The following ABCC4 variants were observed in gnomAD, a reference collection of about 807,000 sequenced individuals.
ABCC4 encodes ATP-binding cassette sub-family C member 4.
ABCC4 carries 102 observed loss-of-function variants against 168.5 expected under a neutral mutation model. The observed-to-expected ratio is 0.61, with a 90% confidence interval of 0.52 to 0.71. The LOEUF is 0.71. ABCC4 is among the 30% of genes least tolerant of loss of function. The pLI is 0.00. For missense variants in ABCC4, 1,402 were observed against 1,605.8 expected, an observed-to-expected ratio of 0.87 and a Z score of 2.17; for synonymous variants, 617 against 590.7, an observed-to-expected ratio of 1.04 and a Z score of -0.65.
At chr13:95,156,803 C>A (rs7988271) in intron 19 of ABCC4, among the ~76,000 whole-genome samples, 4 of 151,940 alleles carry the variant, frequency 2.6e-5, no homozygotes, top group Non-Finnish European at 5.9e-5. Flanking sequence ...AAAGGAAAAC[C>A]GGCTCTTGGC....
At position 95,269,309 on chromosome 13, in the gene ABCC4, C is replaced by A. The variant is rs1194505590; in HGVS notation, c.75-21556G>T. 3 of 455,816 alleles carry A rather than the reference C, an allele frequency of 6.6e-6. No individual in the cohort carries two copies. The Admixed American group carries it at 7.1e-5, about 11-fold the overall frequency. The allele number at this position is 455,816 out of a possible 1,614,324, so 28.2% of individuals were successfully genotyped here. ...ACCTGTCAGCAGCACAAGCAGCTCACCTGCTAGTCTGGTGGCTGAGGCAGG... is the reference window on the plus strand; with the variant it reads ...ACCTGTCAGCAGCACAAGCAGCTCAACTGCTAGTCTGGTGGCTGAGGCAGG... On this transcript the variant is annotated intron_variant, in intron 1 of 30. Coordinates refer to ENST00000645237, the MANE Select transcript of ABCC4 (RefSeq NM_005845.5).
At chr13:95,236,583 T>A (rs1053725944) in intron 3 of ABCC4, among the ~76,000 whole-genome samples, 1 of 104,296 alleles carries the variant, frequency 9.6e-6, no homozygotes, top group Non-Finnish European at 2.0e-5. Context: ...TGTCTCGGCA[T>A]GTGAACGCGC....
chr13:95,077,777 C>A (rs1678355), intron 21 of ABCC4, among the ~76,000 whole-genome samples: 2,582 of 152,196 alleles, frequency 0.017, 86 homozygotes, highest in African/African-American at 0.06. Context: ...TACAGCATCC[C>A]CATGCCGATC....
At chr13:95,131,146 C>T (rs990713009) in intron 19 of ABCC4, among the ~76,000 whole-genome samples, 1 of 152,080 alleles carries the variant, frequency 6.6e-6, no homozygotes, top group African/African-American at 2.4e-5. Flanking sequence ...CTTCTTATGC[C>T]AAGCCTGTCA....
intron 3 of ABCC4, among the ~76,000 whole-genome samples, chr13:95,235,575 T>C (rs946293583): frequency 2.0e-4 from 31 of 152,208 alleles, no homozygotes; most frequent in Admixed American, 5.9e-4. Flanking sequence ...CTTGCCACCT[T>C]CTTCACAGTT....
At chr13:95,038,706 G>A (rs5016378) in intron 29 of ABCC4, among the ~76,000 whole-genome samples, 42,587 of 152,122 alleles carry the variant, frequency 0.28, 7,349 homozygotes, top group African/African-American at 0.49. Context: ...CATTGCACAT[G>A]ACGTGTGAGC....
chr13:95,074,155 T>C (rs2033819068), intron 23 of ABCC4, 59 bp downstream of exon 23: 3 of 1,340,538 alleles, frequency 2.2e-6, no homozygotes, highest in Non-Finnish European at 3.1e-6. Context: ...GTTTAATAAA[T>C]GTAAACACAG....
chr13:95,058,384 C>CA (rs1333063702), intron 26 of ABCC4, among the ~76,000 whole-genome samples: 1 of 151,382 alleles, frequency 6.6e-6, no homozygotes, highest in Non-Finnish European at 1.5e-5. Flanking sequence ...TCCTGGCCAA[C>CA]ATGGTGAAAC....
chr13:95,165,168 A>G (rs1478147033), intron 15 of ABCC4, among the ~76,000 whole-genome samples: 1 of 152,192 alleles, frequency 6.6e-6, no homozygotes, highest in African/African-American at 2.4e-5. Context: ...TTCCAAAATC[A>G]TATACAAAAA....
rs554884258 is a variant in ABCC4, at chr13:95,159,093, TTATATATATATATATATATATATATATA to T, written c.2455+2068_2455+2095del. Among the ~76,000 whole-genome samples, 13 of 61,028 alleles carry T rather than the reference TTATATATATATATATATATATATATATA, an allele frequency of 2.1e-4. No homozygotes were observed. In the East Asian group the frequency reaches 2.4e-3, roughly 11 times the overall value. The allele number at this position is 61,028 out of a possible 152,430, so 40.0% of individuals were successfully genotyped here. On this transcript the variant is annotated intron_variant, in intron 19 of 30. Coordinates refer to ENST00000645237, the MANE Select transcript of ABCC4 (RefSeq NM_005845.5). ...ATGAGACCTTATTTCTAAATAAATT[TTATATATATATATATATATATATATATA>T]TATATATATATAACTATTGAAGTGC...
In ABCC4 at chr13:95,155,591, T is replaced by C. The variant is rs77037645; in HGVS notation, c.2455+5598A>G. On this transcript the variant is annotated intron_variant, in intron 19 of 30. Coordinates refer to ENST00000645237, the MANE Select transcript of ABCC4 (RefSeq NM_005845.5). ...AAAAAAGAATGATATGAATCTGGTT[T>C]TTTTGTTACACTGTTGAAGGCATCG... 3.0e-4 allele frequency among the ~76,000 whole-genome samples: 45 copies of C among 152,314 alleles called. No homozygotes were observed. In the East Asian group the frequency reaches 8.1e-3, roughly 27 times the overall value.
chr13:95,238,151 G>T (rs60963105), intron 3 of ABCC4, among the ~76,000 whole-genome samples: 1 of 136,564 alleles, frequency 7.3e-6, no homozygotes, highest in Admixed American at 8.1e-5. Context: ...CCAAGATCGC[G>T]CCACTGCACT....
intron 4 of ABCC4, among the ~76,000 whole-genome samples, chr13:95,225,153 T>TCTCA (rs1360466403): frequency 0.014 from 491 of 35,198 alleles, 3 homozygotes; most frequent in African/African-American, 0.026. Flanking sequence ...TCTCTCTCTC[T>TCTCA]CACACACACA....
intron 1 of ABCC4, among the ~76,000 whole-genome samples, chr13:95,287,020 C>T (rs7998398): frequency 0.01 from 1,539 of 151,596 alleles, 40 homozygotes; most frequent in East Asian, 0.083. Context: ...TTTCATTGAC[C>T]GGGCACGATG....
At chr13:95,174,167 G>T (rs529961200) in intron 13 of ABCC4, among the ~76,000 whole-genome samples, 2 of 152,312 alleles carry the variant, frequency 1.3e-5, no homozygotes, top group Non-Finnish European at 2.9e-5. Flanking sequence ...AATTGGATTA[G>T]CATCCTTTAA....
At chr13:95,270,672 G>A (rs1012115751) in intron 1 of ABCC4, among the ~76,000 whole-genome samples, 1 of 152,208 alleles carries the variant, frequency 6.6e-6, no homozygotes, top group African/African-American at 2.4e-5. Context: ...CTGGGACAGA[G>A]CATGAGAACC....
intron 19 of ABCC4, among the ~76,000 whole-genome samples, chr13:95,141,638 G>A (rs2036322538): frequency 6.6e-6 from 1 of 152,142 alleles, no homozygotes. Context: ...GTGAGACTGA[G>A]GGGAAATGGT....
chr13:95,077,992 G>C (rs1248328427), intron 21 of ABCC4, among the ~76,000 whole-genome samples: 1 of 152,186 alleles, frequency 6.6e-6, no homozygotes, highest in Non-Finnish European at 1.5e-5. Flanking sequence ...GTTGGGGAAA[G>C]GCAGATGGAG....
intron 27 of ABCC4, among the ~76,000 whole-genome samples, chr13:95,045,158 T>A (rs1374531654): frequency 6.6e-6 from 1 of 152,128 alleles, no homozygotes; most frequent in East Asian, 1.9e-4. Context: ...AAAATGAAGC[T>A]CATGCTCCCA....
Sources: gnomAD v4.1 joint callset for allele counts (sites outside exome capture counted in the v4.1 genomes callset) on GRCh38, gnomAD v4.1.1 for gene constraint, MANE v1.5 for transcripts, NCBI Gene and HGNC (gene_info 2026-07-23, HGNC 2026-07-21) for gene names.